Variants in CHD1L observed in about 807,000 individuals in gnomAD.
CHD1L encodes the protein ATP-dependent chromatin remodeler CHD1L.
A neutral mutation model predicts 115.9 loss-of-function variants in CHD1L; 118 were observed. The observed-to-expected ratio is 1.02, with a 90% CI of 0.88 to 1.19. The LOEUF is 1.19. CHD1L is among the 50% of genes most tolerant of loss of function. The pLI is 0.00. For synonymous variants in CHD1L, 411 were observed against 387.1 expected (o/e 1.06, Z -0.72); for missense variants, 1,179 against 1,065.3 (o/e 1.11, Z -1.49).
chr1:147,246,128 G>A lies in CHD1L; in HGVS notation c.127+3298G>A, dbSNP rs74318982. Among the ~76,000 whole-genome samples, 838 of 152,294 alleles carry A rather than the reference G, an allele frequency of 5.5e-3. 9 individuals are homozygous for A. Among genetic ancestry groups the A allele is most frequent in the African/African-American group, 0.019 (804 of 41,560 alleles). ...TCTATAATTTTGTCACTTTGAAAATGATAGGTGAGTAAAATCATACAATAT... is the reference window on the plus strand; with the variant it reads ...TCTATAATTTTGTCACTTTGAAAATAATAGGTGAGTAAAATCATACAATAT... On this transcript the variant is annotated intron_variant, in intron 1 of 22. Transcript: ENST00000369258.
chr1:147,227,445 C>T, the CHD1L span, among the ~76,000 whole-genome samples: 2 of 152,182 alleles, frequency 1.3e-5, no homozygotes, highest in South Asian at 4.2e-4. Context: ...TTTAATGTCC[C>T]CCTACTTCAA....
upstream of CHD1L, among the ~76,000 whole-genome samples, chr1:147,239,739 A>T (rs1664710520): frequency 6.6e-6 from 1 of 152,218 alleles, no homozygotes; most frequent in Admixed American, 6.5e-5. Flanking sequence ...CCAACAGTCT[A>T]CCTGGCTTAT....
intron 17 of CHD1L, 89 bp downstream of exon 17, chr1:147,285,576 C>T: frequency 7.4e-7 from 1 of 1,358,424 alleles, no homozygotes; most frequent in Non-Finnish European, 9.9e-7. Context: ...TTTAAAAATA[C>T]AGAAAATTCA....
chr1:147,250,952 C>T (rs1187460326), intron 1 of CHD1L, among the ~76,000 whole-genome samples: 3 of 152,116 alleles, frequency 2.0e-5, no homozygotes, highest in Admixed American at 2.0e-4. Flanking sequence ...GTGAATAAAT[C>T]TCACAAGATC....
chr1:147,199,037 G>C, the CHD1L span, among the ~76,000 whole-genome samples: 1 of 151,894 alleles, frequency 6.6e-6, no homozygotes, highest in Non-Finnish European at 1.5e-5. Context: ...CACTTGCAAG[G>C]GCTGCAAAAG....
At chr1:147,222,716 A>G in the CHD1L span, among the ~76,000 whole-genome samples, 2 of 152,244 alleles carry the variant, frequency 1.3e-5, no homozygotes, top group Admixed American at 6.5e-5. Context: ...AGCAGTTTAC[A>G]AAGTGTTAAA....
intron 7 of CHD1L, 82 bp downstream of exon 7, chr1:147,264,666 G>A: frequency 6.9e-7 from 1 of 1,451,468 alleles, no homozygotes; most frequent in Non-Finnish European, 9.4e-7. Flanking sequence ...AGGTAGAAAA[G>A]AAGGAGAATT....
the CHD1L span, chr1:147,201,602 A>G: frequency 1.6e-5 from 13 of 805,432 alleles, no homozygotes; most frequent in East Asian, 3.2e-4. Context: ...ACAGGATGCC[A>G]ATAATCTTCC....
the CHD1L span, chr1:147,208,840 C>T: frequency 5.6e-6 from 9 of 1,610,254 alleles, no homozygotes; most frequent in Non-Finnish European, 6.8e-6. Flanking sequence ...CACTCCCATC[C>T]TGGGAACATA....
intron 1 of CHD1L, among the ~76,000 whole-genome samples, chr1:147,250,215 G>A (rs1667981889): frequency 6.6e-6 from 1 of 152,030 alleles, no homozygotes; most frequent in Non-Finnish European, 1.5e-5. Flanking sequence ...TCTACCGTCT[G>A]TGTCATCTGG....
At chr1:147,283,506 T>C (rs1681755323) in intron 15 of CHD1L, among the ~76,000 whole-genome samples, 1 of 152,220 alleles carries the variant, frequency 6.6e-6, no homozygotes, top group African/African-American at 2.4e-5. Flanking sequence ...GGCAGATCAC[T>C]CAACCTCATT....
chr1:147,229,023 A>G, the CHD1L span, among the ~76,000 whole-genome samples: 1 of 151,922 alleles, frequency 6.6e-6, no homozygotes, highest in African/African-American at 2.4e-5. Flanking sequence ...ATTAGATCCC[A>G]TTTGCCAATT....
chr1:147,293,085 A>G (rs1686191232), intron 20 of CHD1L, among the ~76,000 whole-genome samples: 1 of 152,218 alleles, frequency 6.6e-6, no homozygotes, highest in South Asian at 2.1e-4. Flanking sequence ...TGTCTATGAT[A>G]TGACTGTGGT....
intron 21 of CHD1L, 118 bp from the exon 22 acceptor site, chr1:147,294,291 G>A (rs1448203168): frequency 1.8e-6 from 1 of 570,592 alleles, no homozygotes; most frequent in East Asian, 3.1e-5. Context: ...GAATATTTTT[G>A]ACATTATAAT....
the CHD1L span, among the ~76,000 whole-genome samples, chr1:147,226,914 C>T: frequency 6.6e-6 from 1 of 151,532 alleles, no homozygotes; most frequent in Non-Finnish European, 1.5e-5. Context: ...CTCACTGCAG[C>T]CTCTATCTCC....
the CHD1L span, among the ~76,000 whole-genome samples, chr1:147,226,740 A>G: frequency 2.0e-5 from 3 of 152,166 alleles, no homozygotes; most frequent in African/African-American, 7.2e-5. Flanking sequence ...TTTTCATGAG[A>G]GGCAACTGAT....
chr1:147,229,094 T>C, the CHD1L span, among the ~76,000 whole-genome samples: 1 of 152,238 alleles, frequency 6.6e-6, no homozygotes, highest in African/African-American at 2.4e-5. Flanking sequence ...CATGACTATG[T>C]CCTGAATGGT....
At chr1:147,256,667 C>A in intron 5 of CHD1L, 105 bp downstream of exon 5, 2 of 1,096,652 alleles carry the variant, frequency 1.8e-6, no homozygotes, top group Non-Finnish European at 2.7e-6. Context: ...TCTGGTATGT[C>A]TTCCATGAGT....
chr1:147,230,869 T>C, the CHD1L span, among the ~76,000 whole-genome samples: 1 of 151,822 alleles, frequency 6.6e-6, no homozygotes, highest in African/African-American at 2.4e-5. Context: ...CCTTTATCAT[T>C]TTTATTGCAT....
Sources: gnomAD v4.1 joint callset for allele counts (sites outside exome capture counted in the v4.1 genomes callset) on GRCh38, gnomAD v4.1.1 for gene constraint, MANE v1.5 for transcripts, NCBI Gene and HGNC (gene_info 2026-07-23, HGNC 2026-07-21) for gene names.